PCNX1: variants seen among roughly 807,000 people sequenced by gnomAD.
PCNX1 encodes the protein pecanex 1.
Under a neutral mutation model 242.2 loss-of-function variants are expected in PCNX1, and 78 were observed. The ratio of observed to expected loss-of-function variants is 0.32; its 90% confidence interval spans 0.27 to 0.39. The LOEUF is 0.39. PCNX1 is among the 10% of genes least tolerant of loss of function. The pLI is 1.00. For synonymous variants in PCNX1, 1,024 were observed against 1,032.9 expected, an observed-to-expected ratio of 0.99 and a Z score of 0.17; for missense variants, 2,581 against 2,856.5, an observed-to-expected ratio of 0.90 and a Z score of 2.20.
At chr14:70,924,231 CAAAAAAAAAAA>C (rs60333920) in intron 1 of PCNX1, among the ~76,000 whole-genome samples, 1 of 98,008 alleles carries the variant, frequency 1.0e-5, no homozygotes, top group Non-Finnish European at 2.0e-5. Flanking sequence ...GAGACTGTCT[CAAAAAAAAAAA>C]AAAAAAAGAA....
intron 6 of PCNX1, among the ~76,000 whole-genome samples, chr14:70,983,891 A>C (rs12892739): frequency 7.3e-5 from 11 of 150,994 alleles, no homozygotes; most frequent in Non-Finnish European, 1.3e-4. Context: ...AAACTAAGAA[A>C]GGGAAAAACT....
chr14:70,965,842 G>T (rs917833206), intron 3 of PCNX1, among the ~76,000 whole-genome samples: 13 of 151,990 alleles, frequency 8.6e-5, no homozygotes, highest in Admixed American at 5.9e-4. Context: ...TTCTTCCCTG[G>T]TATCCATAAT....
chr14:71,055,362 T>TACTA, intron 24 of PCNX1, 142 bp from the exon 25 acceptor site: 1 of 573,462 alleles, frequency 1.7e-6, no homozygotes, highest in Non-Finnish European at 3.1e-6. Context: ...TTTATCATTA[T>TACTA]ACTAATCACA....
At chr14:70,992,236 C>G (rs2059186731) in intron 7 of PCNX1, among the ~76,000 whole-genome samples, 1 of 151,864 alleles carries the variant, frequency 6.6e-6, no homozygotes, top group African/African-American at 2.4e-5. Context: ...AGTTAATTGC[C>G]TGGAATGGAA....
At chr14:70,937,262 T>G (rs989286146) in intron 1 of PCNX1, among the ~76,000 whole-genome samples, 1 of 152,210 alleles carries the variant, frequency 6.6e-6, no homozygotes, top group African/African-American at 2.4e-5. Context: ...TTTTTATGGT[T>G]TTAGGTCTAA....
At chr14:71,010,271 A>G (rs185463922) in intron 9 of PCNX1, among the ~76,000 whole-genome samples, 18 of 152,200 alleles carry the variant, frequency 1.2e-4, no homozygotes, top group Admixed American at 1.0e-3. Flanking sequence ...CATTTTCTCT[A>G]TATATTGTAT....
chr14:71,004,274 C>G (rs1566685817), intron 8 of PCNX1, among the ~76,000 whole-genome samples: 1 of 152,200 alleles, frequency 6.6e-6, no homozygotes. Context: ...TAGGGAGAAA[C>G]AAGTCCATTA....
rs1465467027 is a variant in PCNX1 at position 71,009,628 on chromosome 14, T to G, written c.2630-6T>G. The G allele has an allele frequency of 6.7e-7, 1 of 1,489,946 alleles. No individual in the cohort carries two copies. Among genetic ancestry groups the G allele is most frequent in the Non-Finnish European group, 9.2e-7 (1 of 1,089,290 alleles). 92.3% of individuals were successfully genotyped at this position (1,489,946 alleles called of 1,614,324 possible). A position where few individuals can be genotyped will look rare whatever the true frequency, so the allele number is the denominator to read the frequency against. ...TGGCTTTTTAAAATAATCATTTATT[T>G]GCTAGGTAAGTTCTCTTCTACGCTG... On this transcript the variant is annotated splice_region_variant and splice_polypyrimidine_tract_variant and intron_variant, in intron 8 of 35. Coordinates refer to ENST00000304743, the MANE Select transcript of PCNX1 (RefSeq NM_014982.3).
At position 70,978,235 on chromosome 14, in the gene PCNX1, G is replaced by A. The variant is rs754845362; in HGVS notation, c.1898G>A (p.Cys633Tyr). Residue 633 changes from cysteine to tyrosine, a missense_variant, in exon 6 of 36, where the codon TGT becomes TAT. Cys to Tyr is a radical substitution (Grantham distance 194). Around this residue, in one of 9 missense-constraint regions of PCNX1, gnomAD observed 1,204 missense variants for 1,216.7 expected, o/e 0.99. Coordinates refer to ENST00000304743, the MANE Select transcript of PCNX1 (RefSeq NM_014982.3). ...TCTTCTAGCACCACTTCTCATTCCT[G>A]TCAGTCTCCTGAGGGCAGATACAGT... ...DSSSSTTSHS[C>Y]QSPEGRYSAL... The A allele has an allele frequency of 1.9e-6, 3 of 1,614,086 alleles. No homozygotes were observed. Among genetic ancestry groups the A allele is most frequent in the Admixed American group, 1.7e-5 (1 of 60,018 alleles).
rs756353724 is a variant in PCNX1, at chr14:71,108,920, C to T, written c.6618C>T (p.His2206=). The change falls in exon 34 of 36, where the codon CAC becomes CAT. Residue 2206 remains histidine, a synonymous_variant. Transcript: ENST00000304743. ...AAAGCATCCCAGCCTGCAAACATCACACTCTCGTGGGCTTTCTTGCGACAG... is the reference window on the plus strand; with the variant it reads ...AAAGCATCCCAGCCTGCAAACATCATACTCTCGTGGGCTTTCTTGCGACAG... ...SSQSIPACKH[H]TLVGFLATEG... is the part of the protein sequence containing the mutation. The T allele has an allele frequency of 3.1e-6, 5 of 1,614,134 alleles. No individual in the cohort carries two copies. The highest frequency in any genetic ancestry group is 4.2e-6 in the Non-Finnish European group (5 of 1,180,042).
Position 71,113,439 on chromosome 14 carries a change from ATTAG to A in PCNX1, c.*3507_*3510del, listed in dbSNP as rs933625306. ...TAAGAAGATGTGTTTTTCTTTCTGA[ATTAG>A]TTTATTTTTCCATCACATACCAAAA... On this transcript the variant is annotated 3_prime_UTR_variant, in exon 36 of 36. Transcript: ENST00000304743. The A allele has an allele frequency of 6.6e-6, 1 of 152,652 alleles. No individual in the cohort carries two copies. Among genetic ancestry groups the A allele is most frequent in the African/African-American group, 2.4e-5 (1 of 41,462 alleles). 9.5% of individuals were successfully genotyped at this position (152,652 alleles called of 1,614,324 possible). A position where few individuals can be genotyped will look rare whatever the true frequency, so the allele number is the denominator to read the frequency against.
At chr14:71,101,340 CTTCT>C (rs1262620129) in intron 30 of PCNX1, among the ~76,000 whole-genome samples, 3 of 152,194 alleles carry the variant, frequency 2.0e-5, no homozygotes, top group African/African-American at 7.2e-5. Context: ...CATTTCATAT[CTTCT>C]TTGTTTTATC....
At chr14:70,925,634 C>CT (rs1413245399) in intron 1 of PCNX1, among the ~76,000 whole-genome samples, 2 of 117,136 alleles carry the variant, frequency 1.7e-5, no homozygotes, top group African/African-American at 3.3e-5. Context: ...CTACTCAGGT[C>CT]TTTTTATTTG....
chr14:71,067,859 A>G (rs974213967), intron 26 of PCNX1, among the ~76,000 whole-genome samples: 7 of 151,742 alleles, frequency 4.6e-5, no homozygotes, highest in African/African-American at 1.7e-4. Context: ...TCATTTCGTT[A>G]TATATATCTA....
chr14:70,914,035 G>C lies in PCNX1; in HGVS notation c.153+6032G>C, dbSNP rs74061478. On this transcript the variant is annotated intron_variant, in intron 1 of 35. Transcript: ENST00000304743. ...GTCATGGCACAGATATAACTCTTAT[G>C]TATTATATTACCTATAATAAATTAA... is the stretch of plus-strand genomic sequence containing the variant. Among the ~76,000 whole-genome samples the C allele has an allele frequency of 8.7e-3, 1,318 of 152,182 alleles. 26 individuals are homozygous for C. Among genetic ancestry groups the C allele is most frequent in the African/African-American group, 0.03 (1,243 of 41,504 alleles).
chr14:70,975,018 A>G (rs1470279722), intron 5 of PCNX1, among the ~76,000 whole-genome samples: 2 of 152,200 alleles, frequency 1.3e-5, no homozygotes, highest in Non-Finnish European at 2.9e-5. Flanking sequence ...TGTGTCTTTT[A>G]AAATGAAATA....
At chr14:70,916,619 T>C (rs1236111761) in intron 1 of PCNX1, among the ~76,000 whole-genome samples, 1 of 152,222 alleles carries the variant, frequency 6.6e-6, no homozygotes, top group East Asian at 1.9e-4. Flanking sequence ...GTATATACCT[T>C]AATTAAAAAA....
rs768047169 is a variant in PCNX1, at chr14:71,109,945, T to G, written c.*10T>G. 1 of 1,611,762 alleles carries G rather than the reference T, an allele frequency of 6.2e-7. No homozygotes were observed. Among genetic ancestry groups the G allele is most frequent in the Non-Finnish European group, 8.5e-7 (1 of 1,177,960 alleles). On this transcript the variant is annotated 3_prime_UTR_variant, in exon 36 of 36. Coordinates refer to ENST00000304743, the MANE Select transcript of PCNX1 (RefSeq NM_014982.3). The stretch of plus-strand genomic sequence containing the variant: ...TGGGGCTGAAGTGTGAGCCAGTGTT[T>G]ATTATAAAGACATTTCTTTTTCCCT...
chr14:71,037,618 C>T (rs548403713), intron 19 of PCNX1, among the ~76,000 whole-genome samples: 3 of 150,836 alleles, frequency 2.0e-5, no homozygotes, highest in Admixed American at 6.6e-5. Flanking sequence ...TTGAACCAGC[C>T]TTGCATCCCA....
Sources: gnomAD v4.1 joint callset for allele counts (sites outside exome capture counted in the v4.1 genomes callset) on GRCh38, gnomAD v4.1.1 for gene constraint, gnomAD v4.1.1 regional missense constraint, MANE v1.5 for transcripts, NCBI Gene and HGNC (gene_info 2026-07-23, HGNC 2026-07-21) for gene names.